SLC9A9: variants seen among roughly 807,000 people sequenced by gnomAD.
SLC9A9 encodes the protein sodium/hydrogen exchanger 9.
Under a neutral mutation model 77.8 loss-of-function variants are expected in SLC9A9, and 62 were observed. The ratio of observed to expected loss-of-function variants is 0.80; its 90% CI spans 0.65 to 0.98. SLC9A9 has a LOEUF of 0.98. Ranked by LOEUF, SLC9A9 falls within the 50% of genes least tolerant of loss-of-function variation. The pLI is 0.00. For missense variants in SLC9A9, 775 were observed against 774.9 expected, an observed-to-expected ratio of 1.00 and a Z score of 0.00; for synonymous variants, 320 against 283.5, an observed-to-expected ratio of 1.13 and a Z score of -1.29.
chr3:143,535,726 A>G (rs895807894), intron 9 of SLC9A9, among the ~76,000 whole-genome samples: 1 of 152,190 alleles, frequency 6.6e-6, no homozygotes, highest in Non-Finnish European at 1.5e-5. Context: ...CCAAATATAT[A>G]TAATAATATT....
intron 1 of SLC9A9, among the ~76,000 whole-genome samples, chr3:143,837,536 A>G (rs959933194): frequency 6.6e-6 from 1 of 152,140 alleles, no homozygotes; most frequent in African/African-American, 2.4e-5. Flanking sequence ...ATGTAATATT[A>G]TATAATATCA....
intron 12 of SLC9A9, among the ~76,000 whole-genome samples, chr3:143,439,918 A>C (rs1285527785): frequency 6.6e-6 from 1 of 151,756 alleles, no homozygotes; most frequent in Non-Finnish European, 1.5e-5. Context: ...TCTGGGCCTT[A>C]AAATGAAGCC....
chr3:143,439,561 A>G (rs2034688106), intron 12 of SLC9A9, among the ~76,000 whole-genome samples: 1 of 152,196 alleles, frequency 6.6e-6, no homozygotes, highest in Non-Finnish European at 1.5e-5. Context: ...TTTGGGAGCA[A>G]AGACCTGGAG....
chr3:143,339,288 T>C (rs1218375616), intron 14 of SLC9A9, among the ~76,000 whole-genome samples: 2 of 152,200 alleles, frequency 1.3e-5, no homozygotes, highest in East Asian at 3.9e-4. Flanking sequence ...ACAGGGCCCC[T>C]GAGCCTCCCT....
intron 14 of SLC9A9, among the ~76,000 whole-genome samples, chr3:143,301,388 C>T (rs2030507734): frequency 6.6e-6 from 1 of 152,230 alleles, no homozygotes; most frequent in African/African-American, 2.4e-5. Context: ...GCAGAGAAAT[C>T]AGCAAGAGGG....
intron 6 of SLC9A9, among the ~76,000 whole-genome samples, chr3:143,639,288 G>C (rs1385807063): frequency 6.6e-6 from 1 of 152,152 alleles, no homozygotes; most frequent in Non-Finnish European, 1.5e-5. Flanking sequence ...GCAACCTTTG[G>C]AAATCTTTCC....
intron 12 of SLC9A9, among the ~76,000 whole-genome samples, chr3:143,433,870 T>C (rs1020728323): frequency 6.6e-6 from 1 of 152,218 alleles, no homozygotes; most frequent in Non-Finnish European, 1.5e-5. Context: ...TCTGATGGTT[T>C]TGAAGTATAG....
Position 143,730,721 on chromosome 3 carries a change from A to G in SLC9A9, c.534-37414T>C, listed in dbSNP as rs115548966. On this transcript the variant is annotated intron_variant, in intron 4 of 15. Transcript: ENST00000316549. ...CTTCATAAATTTCGGTGCCTATTGAAATGCCTGGAACATATTGCAAACACT... is the reference window on the plus strand; with the variant it reads ...CTTCATAAATTTCGGTGCCTATTGAGATGCCTGGAACATATTGCAAACACT... 3.5e-3 allele frequency among the ~76,000 whole-genome samples: 530 copies of G among 152,316 alleles called. 5 individuals carry two copies. The highest frequency in any genetic ancestry group is 0.012 in the African/African-American group (498 of 41,558).
chr3:143,307,100 T>C (rs1213181746), intron 14 of SLC9A9, among the ~76,000 whole-genome samples: 1 of 152,226 alleles, frequency 6.6e-6, no homozygotes, highest in Non-Finnish European at 1.5e-5. Context: ...AATAGAGGGT[T>C]AGCTCAGTGA....
At position 143,470,654 on chromosome 3, in the gene SLC9A9, G is replaced by T. The variant is rs529815912; in HGVS notation, c.1316-3464C>A. ...GTTCTCATTGATATAAATATTTGTA[G>T]TTTTTTAACTTTGTGTCTCTGTGAC... On this transcript the variant is annotated intron_variant, in intron 11 of 15. Coordinates refer to ENST00000316549, the MANE Select transcript of SLC9A9 (RefSeq NM_173653.4). Among the ~76,000 whole-genome samples, 55 of 152,208 alleles carry T rather than the reference G, an allele frequency of 3.6e-4. 1 individual carries two copies. In the East Asian group the frequency reaches 0.01, roughly 29 times the overall value.
At position 143,578,606 on chromosome 3, in the gene SLC9A9, C is replaced by T. The variant is rs140901762; in HGVS notation, c.873G>A (p.Ala291=). ...ATATCAGTGCTGTGATGATGGCATA[C>T]GCAGACCCCATTGCAAATGAGCCAG... ...IFAGSFAMGS[A]YAIITALLTK... Residue 291 remains alanine (A), a synonymous_variant, in exon 7 of 16, where the codon GCG becomes GCA. Coordinates refer to ENST00000316549, the MANE Select transcript of SLC9A9 (RefSeq NM_173653.4). 3.6e-5 allele frequency: 58 copies of T among 1,613,998 alleles called. No individual in the cohort carries two copies. In the East Asian group the frequency reaches 4.2e-4, roughly 12 times the overall value.
At chr3:143,752,247 C>T (rs1410190960) in intron 4 of SLC9A9, among the ~76,000 whole-genome samples, 1 of 152,200 alleles carries the variant, frequency 6.6e-6, no homozygotes, top group Non-Finnish European at 1.5e-5. Context: ...CCACCTTTAT[C>T]TCTGGTGATA....
At chr3:143,845,430 G>A (rs1007633591) in intron 1 of SLC9A9, among the ~76,000 whole-genome samples, 1 of 152,148 alleles carries the variant, frequency 6.6e-6, no homozygotes, top group Non-Finnish European at 1.5e-5. Context: ...TTCCTAATAA[G>A]CATTTAAGAT....
At chr3:143,446,993 C>T (rs765354053) in intron 12 of SLC9A9, among the ~76,000 whole-genome samples, 2 of 152,144 alleles carry the variant, frequency 1.3e-5, no homozygotes, top group Non-Finnish European at 2.9e-5. Context: ...CCCAGAGACA[C>T]ATGTGTTGAA....
chr3:143,304,028 G>C (rs779949547), intron 14 of SLC9A9, among the ~76,000 whole-genome samples: 4 of 152,176 alleles, frequency 2.6e-5, no homozygotes, highest in Non-Finnish European at 4.4e-5. Flanking sequence ...TACTGAATGG[G>C]GGAAAGAGGA....
chr3:143,804,613 C>T (rs2008659792), intron 2 of SLC9A9, among the ~76,000 whole-genome samples: 1 of 152,176 alleles, frequency 6.6e-6, no homozygotes, highest in Non-Finnish European at 1.5e-5. Context: ...CGTGTGTCTA[C>T]CTGCTAACTG....
Position 143,798,549 on chromosome 3 carries a change from G to T in SLC9A9, c.379-1646C>A, listed in dbSNP as rs1001732021. Among the ~76,000 whole-genome samples, 3 of 152,034 alleles carry T rather than the reference G, an allele frequency of 2.0e-5. No homozygotes were observed. In the South Asian group the frequency reaches 6.2e-4, roughly 32 times the overall value. On this transcript the variant is annotated intron_variant, in intron 2 of 15. Coordinates refer to ENST00000316549, the MANE Select transcript of SLC9A9 (RefSeq NM_173653.4). The stretch of plus-strand genomic sequence containing the variant: ...ATTCCTCCTTCTTCTCCCTTAGCCT[G>T]TGTTCTCAAGAACTTAAAACCTCTT...
chr3:143,691,676 A>T (rs1933472038), intron 5 of SLC9A9, among the ~76,000 whole-genome samples: 1 of 152,056 alleles, frequency 6.6e-6, no homozygotes, highest in Non-Finnish European at 1.5e-5. Context: ...CCTCCTTCTA[A>T]ATAAGACTTA....
chr3:143,764,724 T>G (rs1369627225), intron 4 of SLC9A9, among the ~76,000 whole-genome samples: 1 of 151,972 alleles, frequency 6.6e-6, no homozygotes, highest in African/African-American at 2.4e-5. Flanking sequence ...ACCCAACTAT[T>G]TTATTTATTT....
Sources: allele counts gnomAD v4.1 joint callset (sites outside exome capture counted in the v4.1 genomes callset), GRCh38; gene constraint gnomAD v4.1.1; transcripts MANE v1.5; gene names NCBI Gene and HGNC (gene_info 2026-07-23, HGNC 2026-07-21).